Variants in DUXA observed in about 807,000 individuals in gnomAD.
The protein encoded by DUXA is double homeobox A.
A neutral mutation model predicts 27.5 loss-of-function variants in DUXA; 25 were observed. The ratio of observed to expected loss-of-function variants is 0.91; its 90% CI spans 0.66 to 1.27. DUXA has a LOEUF of 1.27. DUXA is among the 50% of genes most tolerant of loss of function. DUXA has a pLI of 0.00. For synonymous variants in DUXA, 90 were observed against 80.5 expected, an observed-to-expected ratio of 1.12 and a Z score of -0.63; for missense variants, 247 against 242.9, an observed-to-expected ratio of 1.02 and a Z score of -0.11.
chr19:57,154,334 A>G lies in DUXA; in HGVS notation c.*78T>C. The G allele has an allele frequency of 7.3e-7, 1 of 1,367,802 alleles. No homozygotes were observed. The highest frequency in any genetic ancestry group is 2.3e-5 in the East Asian group (1 of 42,616). The allele number at this position is 1,367,802 out of a possible 1,614,324, so 84.7% of individuals were successfully genotyped here. ...AGGCTTAGCTTGCAGTTTCAGCAGA[A>G]GGATAGACTCCCAGGAAGACCGTGA... On this transcript the variant is annotated 3_prime_UTR_variant, in exon 6 of 6. Transcript: ENST00000554048.
At chr19:57,161,711 CAAT>C (rs1568464470) in intron 1 of DUXA, among the ~76,000 whole-genome samples, 1 of 150,592 alleles carries the variant, frequency 6.6e-6, no homozygotes, top group East Asian at 2.0e-4. Flanking sequence ...TTTTAAAAAA[CAAT>C]GTGTTCTGTT....
intron 1 of DUXA, among the ~76,000 whole-genome samples, chr19:57,163,417 G>A (rs1377599174): frequency 1.3e-5 from 2 of 150,694 alleles, no homozygotes; most frequent in Non-Finnish European, 2.9e-5. Flanking sequence ...CCAAAGTGCT[G>A]GAATTACAGG....
chr19:57,154,689 G>A lies in DUXA; in HGVS notation c.545-207C>T, dbSNP rs376566136. On this transcript the variant is annotated intron_variant, in intron 5 of 5. Transcript: ENST00000554048. ...CGCCATGCTCCTGCCTCAGCCTCCC[G>A]AGTAGCTGGGACTACAGGCGCCCGC... 6.7e-4 allele frequency among the ~76,000 whole-genome samples: 102 copies of A among 151,688 alleles called. 1 individual carries two copies. The highest frequency in any genetic ancestry group is 2.3e-3 in the African/African-American group (95 of 41,346).
At chr19:57,162,649 A>T (rs898662646) in intron 1 of DUXA, among the ~76,000 whole-genome samples, 3 of 152,096 alleles carry the variant, frequency 2.0e-5, no homozygotes, top group Admixed American at 1.3e-4. Flanking sequence ...GTCTCGGCTC[A>T]CTGCAACCTC....
chr19:57,162,810 C>A (rs4801202), intron 1 of DUXA, among the ~76,000 whole-genome samples: 39 of 152,038 alleles, frequency 2.6e-4, no homozygotes, highest in Admixed American at 1.8e-3. Flanking sequence ...TCCTGACCTC[C>A]TGATCCACCC....
chr19:57,157,430 C>T (rs1361291377), intron 4 of DUXA, among the ~76,000 whole-genome samples: 7 of 152,006 alleles, frequency 4.6e-5, no homozygotes, highest in Non-Finnish European at 1.5e-5. Context: ...CTCCCAGATT[C>T]AAGTGATTCT....
In DUXA at chr19:57,157,621, G is replaced by T. The variant is rs559480411; in HGVS notation, c.438+707C>A. ...GCTGGCATTACAGACGTGAGCCACC[G>T]CACCCAGCCTGGACCTCATAACTCT... is the stretch of plus-strand genomic sequence containing the variant. On this transcript the variant is annotated intron_variant, in intron 4 of 5. Coordinates refer to ENST00000554048, the MANE Select transcript of DUXA (RefSeq NM_001012729.2). 1.1e-4 allele frequency among the ~76,000 whole-genome samples: 16 copies of T among 151,542 alleles called. No homozygotes were observed. In the South Asian group the frequency reaches 3.2e-3, roughly 30 times the overall value.
rs764811667 is a variant in DUXA at position 57,159,182 on chromosome 19, C to G, written c.277G>C (p.Gly93Arg). ...SSQSQGQDQP[G>R]VEFQSREARR... is the part of the protein sequence containing the mutation. ...GGTTATTTACTTTGAAACTCCACAC[C>G]AGGTTGATCTTGCCCCTGGCTCTGG... Residue 93 changes from glycine to arginine, a missense_variant, in exon 3 of 6, where the codon GGT (glycine) becomes CGT (arginine). Coordinates refer to ENST00000554048, the MANE Select transcript of DUXA (RefSeq NM_001012729.2). 2 of 1,613,844 alleles carry G rather than the reference C, an allele frequency of 1.2e-6. No homozygotes were observed. Among genetic ancestry groups the G allele is most frequent in the Non-Finnish European group, 1.7e-6 (2 of 1,179,946 alleles).
rs1352999923 is a variant in DUXA, at chr19:57,160,731, A to G, written c.92T>C (p.Ile31Thr). 1.2e-6 allele frequency: 2 copies of G among 1,614,044 alleles called. No individual in the cohort carries two copies. The highest frequency in any genetic ancestry group is 1.7e-6 in the Non-Finnish European group (2 of 1,180,038). Residue 31 changes from isoleucine (I) to threonine (T), a missense_variant, in exon 2 of 6, where the codon ATC becomes ACC. Coordinates refer to ENST00000554048, the MANE Select transcript of DUXA (RefSeq NM_001012729.2). ...KFTEEQLKIL[I>T]NTFNQKPYPG... The stretch of plus-strand genomic sequence containing the variant: ...GTAAGGCTTTTGATTGAAGGTATTG[A>G]TGAGGATTTTCAACTGTTCTTCTGT...
intron 5 of DUXA, 27 bp from the exon 6 acceptor site, chr19:57,154,509 G>C: frequency 1.3e-6 from 2 of 1,553,060 alleles, no homozygotes; most frequent in South Asian, 1.1e-5. Flanking sequence ...ATAGAGGAAA[G>C]AATGTAAGAG....
chr19:57,165,324 A>AAAAATATATATATATATATATATAT (rs1491567041), intron 1 of DUXA, among the ~76,000 whole-genome samples: 2 of 89,282 alleles, frequency 2.2e-5, no homozygotes, highest in South Asian at 3.8e-4. Context: ...AAAAAAAAAA[A>AAAAATATATATATATATATATATAT]ATATATATAT....
intron 1 of DUXA, among the ~76,000 whole-genome samples, chr19:57,162,732 G>A (rs1304259822): frequency 3.9e-5 from 6 of 151,986 alleles, no homozygotes; most frequent in African/African-American, 9.7e-5. Flanking sequence ...GTGCCGCCAC[G>A]CCTGGCTAAT....
intron 1 of DUXA, among the ~76,000 whole-genome samples, chr19:57,166,677 G>A (rs1448483725): frequency 6.6e-6 from 1 of 152,208 alleles, no homozygotes; most frequent in Non-Finnish European, 1.5e-5. Context: ...GGTGGAAGCA[G>A]GGAGATCAGT....
chr19:57,162,850 G>A (rs566169458), intron 1 of DUXA, among the ~76,000 whole-genome samples: 1 of 151,988 alleles, frequency 6.6e-6, no homozygotes, highest in African/African-American at 2.4e-5. Context: ...CTGGGATTAC[G>A]GGTGTGAGCC....
At chr19:57,161,389 C>A (rs984958392) in intron 1 of DUXA, among the ~76,000 whole-genome samples, 2 of 142,320 alleles carry the variant, frequency 1.4e-5, no homozygotes, top group Non-Finnish European at 3.0e-5. Flanking sequence ...TTTGGGAGGC[C>A]GAGGCGGGCG....
intron 5 of DUXA, among the ~76,000 whole-genome samples, chr19:57,154,785 G>A (rs748400503): frequency 2.0e-5 from 3 of 151,892 alleles, no homozygotes; most frequent in African/African-American, 7.3e-5. Flanking sequence ...GGATGGTCTC[G>A]ATCTCCTGAC....
At chr19:57,155,427 A>G in intron 4 of DUXA, 55 bp from the exon 5 acceptor site, 1 of 1,350,996 alleles carries the variant, frequency 7.4e-7, no homozygotes, top group East Asian at 2.3e-5. Context: ...TGTAAAACTC[A>G]TGATTGCTTT....
chr19:57,155,157 G>T (rs1400080887), intron 5 of DUXA, 110 bp downstream of exon 5: 2 of 938,292 alleles, frequency 2.1e-6, no homozygotes, highest in African/African-American at 1.6e-5. Context: ...GAGCACTTGA[G>T]TGGGGATATC....
At chr19:57,165,322 AAAATATATAT>A (rs1189274862) in intron 1 of DUXA, among the ~76,000 whole-genome samples, 82 of 89,112 alleles carry the variant, frequency 9.2e-4, no homozygotes, top group South Asian at 3.8e-3. Flanking sequence ...AAAAAAAAAA[AAAATATATAT>A]ATATATATAT....
Sources: gnomAD v4.1 joint callset for allele counts (sites outside exome capture counted in the v4.1 genomes callset) on GRCh38, gnomAD v4.1.1 for gene constraint, MANE v1.5 for transcripts, NCBI Gene and HGNC (gene_info 2026-07-23, HGNC 2026-07-21) for gene names.